The following PRR16 variants were observed in gnomAD, a reference collection of about 807,000 sequenced individuals.
PRR16 encodes proline rich 16.
Under a neutral mutation model 18.2 loss-of-function variants are expected in PRR16, and 6 were observed. That is an observed-to-expected ratio of 0.33 (90% CI 0.18 to 0.65). The LOEUF (loss-of-function observed/expected upper bound fraction) is 0.65, where lower values mean the gene tolerates loss of function less well. Among genes scored for constraint, PRR16 ranks in the 30% least tolerant of loss-of-function variants. The pLI is 0.74. For missense variants in PRR16, 412 were observed against 376.6 expected (o/e 1.09, Z -0.78); for synonymous variants, 151 against 147.8 (o/e 1.02, Z -0.16).
At chr5:120,664,644 T>G in intron 1 of PRR16, among the ~76,000 whole-genome samples, 1 of 151,956 alleles carries the variant, frequency 6.6e-6, no homozygotes, top group Admixed American at 6.6e-5. Context: ...AGTGTGATGT[T>G]CCCCTTCCTG....
At chr5:120,659,976 C>T (rs1756120674) in intron 1 of PRR16, among the ~76,000 whole-genome samples, 3 of 152,174 alleles carry the variant, frequency 2.0e-5, no homozygotes, top group South Asian at 4.1e-4. Context: ...GTACTTCTCA[C>T]TACACAGGCA....
chr5:120,635,485 A>G (rs1580813506), intron 1 of PRR16, among the ~76,000 whole-genome samples: 1 of 152,174 alleles, frequency 6.6e-6, no homozygotes, highest in African/African-American at 2.4e-5. Context: ...AATAAATGTG[A>G]TACACCACAT....
chr5:120,549,840 A>G (rs1245422130), intron 1 of PRR16, among the ~76,000 whole-genome samples: 1 of 152,046 alleles, frequency 6.6e-6, no homozygotes, highest in Non-Finnish European at 1.5e-5. Context: ...CTAGGGATAC[A>G]ATGCAGAGTA....
intron 1 of PRR16, among the ~76,000 whole-genome samples, chr5:120,620,222 CTTTAA>C (rs1180562686): frequency 2.0e-5 from 3 of 152,064 alleles, no homozygotes; most frequent in Admixed American, 1.3e-4. Flanking sequence ...TAAAATTAAT[CTTTAA>C]TTTATTTATC....
the PRR16 span, among the ~76,000 whole-genome samples, chr5:120,748,490 C>T: frequency 2.0e-5 from 3 of 151,628 alleles, no homozygotes; most frequent in African/African-American, 7.3e-5. Context: ...AAGTATCTTT[C>T]AATGTGGAAA....
intron 1 of PRR16, among the ~76,000 whole-genome samples, chr5:120,602,863 C>T (rs552652918): frequency 2.0e-5 from 3 of 152,174 alleles, no homozygotes; most frequent in Admixed American, 6.6e-5. Context: ...TGATGAATTA[C>T]ATTTACTGAT....
intron 1 of PRR16, among the ~76,000 whole-genome samples, chr5:120,668,441 T>G (rs1022703675): frequency 1.1e-4 from 16 of 150,700 alleles, no homozygotes; most frequent in Admixed American, 4.0e-4. Flanking sequence ...ATTGGAGCAT[T>G]TAGTCCATTT....
chr5:120,530,254 A>AATATATATATATATATATATATATAT (rs3047950), intron 1 of PRR16, among the ~76,000 whole-genome samples: 5 of 106,710 alleles, frequency 4.7e-5, no homozygotes, highest in Admixed American at 1.0e-4. Flanking sequence ...AGTGTGTGTA[A>AATATATATATATATATATATATATAT]ATATATATAT....
At chr5:120,560,421 G>A (rs1162226947) in intron 1 of PRR16, among the ~76,000 whole-genome samples, 1 of 151,426 alleles carries the variant, frequency 6.6e-6, no homozygotes, top group Non-Finnish European at 1.5e-5. Context: ...TCATTCTGTT[G>A]ATATGATGTA....
At chr5:120,634,424 A>G (rs531037242) in intron 1 of PRR16, among the ~76,000 whole-genome samples, 1 of 152,294 alleles carries the variant, frequency 6.6e-6, no homozygotes, top group East Asian at 1.9e-4. Flanking sequence ...CAGGGGGATC[A>G]ATTGAGGTGA....
chr5:120,663,583 A>C (rs1756252538), intron 1 of PRR16, among the ~76,000 whole-genome samples: 1 of 152,166 alleles, frequency 6.6e-6, no homozygotes, highest in Non-Finnish European at 1.5e-5. Flanking sequence ...ATTCTTCATC[A>C]TGCCATCTTA....
At chr5:120,526,483 A>C (rs922046438) in intron 1 of PRR16, among the ~76,000 whole-genome samples, 3 of 152,168 alleles carry the variant, frequency 2.0e-5, no homozygotes, top group Non-Finnish European at 4.4e-5. Context: ...CCTGGCAATA[A>C]CATGAATTAT....
chr5:120,506,830 A>G (rs1750660617), intron 1 of PRR16, among the ~76,000 whole-genome samples: 1 of 152,076 alleles, frequency 6.6e-6, no homozygotes, highest in Non-Finnish European at 1.5e-5. Flanking sequence ...AAAAAATATT[A>G]AGAAGAGCTT....
chr5:120,612,219 C>T (rs1754358931), intron 1 of PRR16, among the ~76,000 whole-genome samples: 1 of 152,146 alleles, frequency 6.6e-6, no homozygotes, highest in African/African-American at 2.4e-5. Context: ...TTTACAGGCT[C>T]ATAGGTAGAA....
intron 1 of PRR16, among the ~76,000 whole-genome samples, chr5:120,634,360 A>G (rs1755157505): frequency 6.6e-6 from 1 of 152,158 alleles, no homozygotes; most frequent in African/African-American, 2.4e-5. Context: ...AGTCTGAAAG[A>G]GGGCCGGGCA....
chr5:120,518,236 C>G (rs559000970), intron 1 of PRR16, among the ~76,000 whole-genome samples: 9 of 152,200 alleles, frequency 5.9e-5, no homozygotes, highest in African/African-American at 2.2e-4. Flanking sequence ...TTTAATACAT[C>G]TTAATTCTCA....
At chr5:120,654,550 T>A (rs1755902103) in intron 1 of PRR16, among the ~76,000 whole-genome samples, 1 of 151,288 alleles carries the variant, frequency 6.6e-6, no homozygotes, top group Admixed American at 6.6e-5. Flanking sequence ...ATTGAAAAGC[T>A]AAAAAAAATC....
At chr5:120,506,934 G>A (rs192854896) in intron 1 of PRR16, among the ~76,000 whole-genome samples, 2 of 152,234 alleles carry the variant, frequency 1.3e-5, no homozygotes, top group Admixed American at 1.3e-4. Flanking sequence ...GCTAATGGGG[G>A]TCAGTATTTT....
the PRR16 span, among the ~76,000 whole-genome samples, chr5:120,765,633 A>T: frequency 6.6e-6 from 1 of 151,976 alleles, no homozygotes; most frequent in Non-Finnish European, 1.5e-5. Context: ...TTGAATTGCA[A>T]TATGTATACA....
Sources: allele counts gnomAD v4.1 joint callset (sites outside exome capture counted in the v4.1 genomes callset), GRCh38; gene constraint gnomAD v4.1.1; transcripts MANE v1.5; gene names NCBI Gene and HGNC (gene_info 2026-07-23, HGNC 2026-07-21).